HMCN1: variants seen among roughly 807,000 people sequenced by gnomAD.
HMCN1 encodes hemicentin-1.
A neutral mutation model predicts 625.9 loss-of-function variants in HMCN1; 321 were observed. The observed-to-expected ratio is 0.51, with a 90% CI of 0.47 to 0.56. The LOEUF is 0.56. HMCN1 is among the 20% of genes least tolerant of loss of function. The probability of loss-of-function intolerance (pLI) is 0.00; values close to 1 mark genes in which losing one functional copy is unlikely to be tolerated. For missense variants in HMCN1, 6,588 were observed against 6,887.3 expected (o/e 0.96, Z 1.54); for synonymous variants, 2,425 against 2,417.6 (o/e 1.00, Z -0.09).
chr1:185,948,108 A>G (rs1222238776), intron 11 of HMCN1, among the ~76,000 whole-genome samples: 1 of 152,188 alleles, frequency 6.6e-6, no homozygotes, highest in Non-Finnish European at 1.5e-5. Context: ...AACTTTTTCT[A>G]TAGGAAATAT....
chr1:185,946,180 T>G, intron 11 of HMCN1, among the ~76,000 whole-genome samples: 1 of 152,210 alleles, frequency 6.6e-6, no homozygotes, highest in East Asian at 1.9e-4. Flanking sequence ...GTTGCTTCCC[T>G]GATAGATACT....
intron 4 of HMCN1, among the ~76,000 whole-genome samples, chr1:185,884,442 C>T (rs573578848): frequency 3.3e-5 from 5 of 152,068 alleles, no homozygotes; most frequent in African/African-American, 1.2e-4. Context: ...GCTTCAGCTT[C>T]CCCTAACTCA....
rs562401217 is a variant in HMCN1, at chr1:185,852,625, C to T, written c.339+6529C>T. ...ACACACACACACACACACACACACA[C>T]TTTAAAGGAGGACTGGCTTGTATTT... On this transcript the variant is annotated intron_variant, in intron 2 of 106. Transcript: ENST00000271588. Among the ~76,000 whole-genome samples, 111 of 134,120 alleles carry T rather than the reference C, an allele frequency of 8.3e-4. 1 individual carries two copies. The highest frequency in any genetic ancestry group is 4.8e-4 in the South Asian group (2 of 4,140). 88.0% of individuals were successfully genotyped at this position (134,120 alleles called of 152,430 possible).
chr1:185,879,190 A>G (rs1664138256), intron 4 of HMCN1, among the ~76,000 whole-genome samples: 1 of 152,094 alleles, frequency 6.6e-6, no homozygotes, highest in African/African-American at 2.4e-5. Flanking sequence ...GTTTTGCTTG[A>G]GACAGGGTCT....
Position 186,153,744 on chromosome 1 carries a change from C to G in HMCN1, c.15019-6C>G. The stretch of plus-strand genomic sequence containing the variant: ...TTGATCTTCAAATCCACATTGTTCT[C>G]CTTAGGATTACACAGAGGACTACAT... On this transcript the variant is annotated splice_polypyrimidine_tract_variant and splice_region_variant and intron_variant, in intron 96 of 106. Coordinates refer to ENST00000271588, the MANE Select transcript of HMCN1 (RefSeq NM_031935.3). The G allele has an allele frequency of 6.2e-7, 1 of 1,611,608 alleles. No individual in the cohort carries two copies. The highest frequency in any genetic ancestry group is 8.5e-7 in the Non-Finnish European group (1 of 1,177,820).
intron 7 of HMCN1, among the ~76,000 whole-genome samples, chr1:185,922,927 C>G (rs1667070674): frequency 6.6e-6 from 1 of 152,148 alleles, no homozygotes; most frequent in South Asian, 2.1e-4. Context: ...AAACACGTCA[C>G]ATATCATTGT....
chr1:185,919,774 G>C (rs971598066), intron 6 of HMCN1, among the ~76,000 whole-genome samples: 4 of 152,162 alleles, frequency 2.6e-5, no homozygotes, highest in African/African-American at 9.7e-5. Context: ...CTGTTACTTT[G>C]AGCAAGTCAC....
At chr1:185,758,283 G>A (rs1357233582) in intron 1 of HMCN1, among the ~76,000 whole-genome samples, 1 of 152,152 alleles carries the variant, frequency 6.6e-6, no homozygotes. Flanking sequence ...ACTTTATAGT[G>A]GATGTCCTTT....
chr1:185,926,434 G>A lies in HMCN1; in HGVS notation c.1430+1243G>A, dbSNP rs190528685. On this transcript the variant is annotated intron_variant, in intron 9 of 106. Transcript: ENST00000271588. Reference sequence around the variant, plus strand: ...TTAATAACCAGCAACGTAATTGACCGGGATATAAAATGATGAAGCTACATA... The same window carrying A: ...TTAATAACCAGCAACGTAATTGACCAGGATATAAAATGATGAAGCTACATA... 1.7e-3 allele frequency among the ~76,000 whole-genome samples: 263 copies of A among 152,216 alleles called. 6 individuals carry two copies. The highest frequency in any genetic ancestry group is 0.015 in the Admixed American group (236 of 15,288).
At chr1:186,077,074 A>ATGGAAT (rs1658867631) in intron 54 of HMCN1, among the ~76,000 whole-genome samples, 4 of 152,320 alleles carry the variant, frequency 2.6e-5, no homozygotes, top group Non-Finnish European at 5.9e-5. Context: ...AAAGATGTTT[A>ATGGAAT]AACTGTTATG....
intron 15 of HMCN1, among the ~76,000 whole-genome samples, chr1:185,976,553 T>C (rs780642443): frequency 6.6e-6 from 1 of 152,110 alleles, no homozygotes; most frequent in Non-Finnish European, 1.5e-5. Flanking sequence ...TGAGAACCCA[T>C]AGAAAAGGGG....
At chr1:185,823,790 C>T (rs1660343750) in intron 1 of HMCN1, among the ~76,000 whole-genome samples, 1 of 152,142 alleles carries the variant, frequency 6.6e-6, no homozygotes, top group Admixed American at 6.6e-5. Context: ...CAAGAAGCAG[C>T]ATTTTGAATT....
At chr1:186,059,907 C>T (rs538038979) in intron 46 of HMCN1, among the ~76,000 whole-genome samples, 3 of 151,946 alleles carry the variant, frequency 2.0e-5, no homozygotes, top group South Asian at 2.1e-4. Flanking sequence ...ATGAGGTTGA[C>T]GTTTGTAGAG....
intron 32 of HMCN1, 110 bp downstream of exon 32, chr1:186,016,349 G>T: frequency 9.5e-7 from 1 of 1,052,714 alleles, no homozygotes; most frequent in South Asian, 1.5e-5. Flanking sequence ...AGAAGGTATA[G>T]TCCTCTGTGC....
intron 36 of HMCN1, among the ~76,000 whole-genome samples, chr1:186,027,722 C>T (rs1486092558): frequency 6.6e-6 from 1 of 152,202 alleles, no homozygotes; most frequent in Non-Finnish European, 1.5e-5. Flanking sequence ...GCCCTTCTCA[C>T]TGCACCATTT....
intron 16 of HMCN1, among the ~76,000 whole-genome samples, chr1:185,979,752 C>G (rs771742736): frequency 2.6e-5 from 4 of 152,256 alleles, no homozygotes; most frequent in Non-Finnish European, 5.9e-5. Context: ...GGAGTAGAAA[C>G]TTTGTCATGG....
At chr1:186,108,664 G>A in intron 71 of HMCN1, 67 bp downstream of exon 71, 1 of 1,572,068 alleles carries the variant, frequency 6.4e-7, no homozygotes, top group African/African-American at 1.4e-5. Context: ...TCAGCTCTAG[G>A]GCCTTTGCTG....
At chr1:185,953,997 G>A (rs1402855104) in intron 11 of HMCN1, among the ~76,000 whole-genome samples, 4 of 151,264 alleles carry the variant, frequency 2.6e-5, no homozygotes, top group Non-Finnish European at 1.5e-5. Flanking sequence ...TGCTTTTTGA[G>A]CCAGGATGAG....
intron 1 of HMCN1, among the ~76,000 whole-genome samples, chr1:185,840,525 C>G (rs558280611): frequency 5.3e-5 from 8 of 152,096 alleles, no homozygotes; most frequent in Non-Finnish European, 1.0e-4. Flanking sequence ...CGCTTCATAT[C>G]CCAACTCATA....
Sources: gnomAD v4.1 joint callset for allele counts (sites outside exome capture counted in the v4.1 genomes callset) on GRCh38, gnomAD v4.1.1 for gene constraint, MANE v1.5 for transcripts, NCBI Gene and HGNC (gene_info 2026-07-23, HGNC 2026-07-21) for gene names.